The following WWC1 variants were observed in gnomAD, a reference collection of about 807,000 sequenced individuals.
WWC1 encodes the protein WW and C2 domain containing 1.
A neutral mutation model predicts 138.4 loss-of-function variants in WWC1; 55 were observed. The observed-to-expected ratio is 0.40, with a 90% CI of 0.32 to 0.50. The LOEUF (loss-of-function observed/expected upper bound fraction) is 0.50. WWC1 is among the 20% of genes least tolerant of loss of function. The pLI is 0.72. For synonymous variants in WWC1, 524 were observed against 564.9 expected (o/e 0.93, Z 1.03); for missense variants, 1,226 against 1,420.4 (o/e 0.86, Z 2.20).
At chr5:168,387,670 C>T (rs1778147254) in intron 3 of WWC1, among the ~76,000 whole-genome samples, 1 of 152,168 alleles carries the variant, frequency 6.6e-6, no homozygotes, top group African/African-American at 2.4e-5. Context: ...TCTCTAGTGC[C>T]TCTTTCTATT....
intron 2 of WWC1, among the ~76,000 whole-genome samples, chr5:168,373,169 G>A (rs1004363992): frequency 2.0e-5 from 3 of 152,190 alleles, no homozygotes; most frequent in Non-Finnish European, 2.9e-5. Flanking sequence ...ACACTGATGT[G>A]CAGGAGACCT....
intron 1 of WWC1, among the ~76,000 whole-genome samples, chr5:168,329,098 A>G (rs999951190): frequency 2.0e-5 from 3 of 152,184 alleles, no homozygotes; most frequent in Admixed American, 1.3e-4. Context: ...TCTGTAGGGT[A>G]CTTGGTTTCT....
At chr5:168,397,239 T>G (rs1031609578) in intron 3 of WWC1, among the ~76,000 whole-genome samples, 6 of 151,688 alleles carry the variant, frequency 4.0e-5, no homozygotes, top group African/African-American at 1.5e-4. Flanking sequence ...GCCTCTCAGG[T>G]TCAAGCAATT....
chr5:168,454,151 A>T, intron 18 of WWC1, 51 bp downstream of exon 18: 5 of 1,590,118 alleles, frequency 3.1e-6, no homozygotes, highest in Non-Finnish European at 2.6e-6. Flanking sequence ...GGAACCTTCA[A>T]TCCTTGTGCC....
At chr5:168,434,529 T>C (rs1029436756) in intron 15 of WWC1, among the ~76,000 whole-genome samples, 3 of 152,194 alleles carry the variant, frequency 2.0e-5, no homozygotes, top group Admixed American at 6.5e-5. Flanking sequence ...ATCTTCGTGA[T>C]GGCCCCAGGA....
intron 15 of WWC1, among the ~76,000 whole-genome samples, chr5:168,438,446 C>T (rs1018425299): frequency 2.0e-5 from 3 of 152,134 alleles, no homozygotes; most frequent in African/African-American, 7.2e-5. Context: ...GTTTGCTTCC[C>T]CTTCTGCCAT....
chr5:168,441,256 A>G (rs907822802), intron 15 of WWC1, among the ~76,000 whole-genome samples: 1 of 152,194 alleles, frequency 6.6e-6, no homozygotes, highest in Non-Finnish European at 1.5e-5. Context: ...GGTTACCAGG[A>G]GCTGTGGGGA....
chr5:168,361,998 G>A (rs967198218), intron 1 of WWC1, among the ~76,000 whole-genome samples: 8 of 152,132 alleles, frequency 5.3e-5, no homozygotes, highest in African/African-American at 9.7e-5. Context: ...CAGGAGAATC[G>A]CTTGAACCCG....
chr5:168,292,030 G>A lies in WWC1; in HGVS notation c.-123G>A, dbSNP rs1769088250. 4.6e-5 allele frequency: 57 copies of A among 1,227,376 alleles called. 1 individual carries two copies. The South Asian group carries it at 1.2e-3, about 26-fold the overall frequency. 76.0% of individuals were successfully genotyped at this position (1,227,376 alleles called of 1,614,324 possible). On this transcript the variant is annotated 5_prime_UTR_variant, in exon 1 of 23. Transcript: ENST00000265293. The surrounding 1 kb of genome is among the most constrained non-coding windows in gnomAD (Gnocchi z 4.4). ...GCCCCTACTAGGGCCCCCCATCTGC[G>A]GGCGCCACCCCCCGGATCATGGTGC...
intron 1 of WWC1, among the ~76,000 whole-genome samples, chr5:168,294,864 A>G (rs1266941918): frequency 6.6e-6 from 1 of 152,112 alleles, no homozygotes; most frequent in Non-Finnish European, 1.5e-5. Context: ...GAGCTCAGGC[A>G]ATCCGCCCAC....
chr5:168,338,572 C>T (rs916789434), intron 1 of WWC1, among the ~76,000 whole-genome samples: 3 of 151,646 alleles, frequency 2.0e-5, no homozygotes, highest in Admixed American at 6.6e-5. Context: ...CCACCACGCC[C>T]GGCTAATTTT....
At chr5:168,378,123 T>A (rs563940984) in intron 2 of WWC1, among the ~76,000 whole-genome samples, 1 of 152,336 alleles carries the variant, frequency 6.6e-6, no homozygotes, top group Non-Finnish European at 1.5e-5. Context: ...TGTCCTTTGC[T>A]GCAACATGGA....
At chr5:168,394,160 A>G (rs1019312287) in intron 3 of WWC1, among the ~76,000 whole-genome samples, 4 of 152,188 alleles carry the variant, frequency 2.6e-5, no homozygotes, top group African/African-American at 9.7e-5. Context: ...AGAGGTAAGT[A>G]AATAAGTAAT....
At chr5:168,350,695 C>T (rs534232375) in intron 1 of WWC1, among the ~76,000 whole-genome samples, 1 of 152,358 alleles carries the variant, frequency 6.6e-6, no homozygotes, top group South Asian at 2.1e-4. Flanking sequence ...TTCACTCATT[C>T]ATTCATTCAT....
rs1195930830 is a variant in WWC1 at position 168,454,057 on chromosome 5, C to G, written c.2615C>G (p.Thr872Ser). Residue 872 changes from threonine to serine, a missense_variant, in exon 18 of 23, where the codon ACC becomes AGC. Thr to Ser is a moderately conservative substitution (Grantham distance 58). Around this residue, in one of 3 missense-constraint regions of WWC1, gnomAD observed 1,016 missense variants for 1,153.9 expected, o/e 0.88. Transcript: ENST00000265293. ...EEEEGEEDVF[T>S]EKASPDMDGY... ...GAGGAGGGAGAAGAGGATGTTTTCA[C>G]CGAGAAAGCCTCACCTGATATGGAT... 6.2e-7 allele frequency: 1 copy of G among 1,612,784 alleles called. No homozygotes were observed. The highest frequency in any genetic ancestry group is 1.3e-5 in the African/African-American group (1 of 74,486).
intron 1 of WWC1, among the ~76,000 whole-genome samples, chr5:168,330,042 G>A (rs1304942269): frequency 6.6e-6 from 1 of 152,136 alleles, no homozygotes; most frequent in Non-Finnish European, 1.5e-5. Context: ...CCCGGGAGGT[G>A]GAGGCTGCAG....
intron 17 of WWC1, among the ~76,000 whole-genome samples, chr5:168,451,061 G>GCTGCGATCTCGGCTCA (rs1755765904): frequency 6.6e-6 from 1 of 151,502 alleles, no homozygotes; most frequent in Admixed American, 6.6e-5. Context: ...TGTTGCCCAG[G>GCTGCGATCTCGGCTCA]CTGCGATCTC....
chr5:168,346,285 A>C (rs1353835709), intron 1 of WWC1, among the ~76,000 whole-genome samples: 1 of 152,190 alleles, frequency 6.6e-6, no homozygotes, highest in Non-Finnish European at 1.5e-5. Context: ...ATACTTAGGA[A>C]AGCAGGGAGC....
intron 1 of WWC1, among the ~76,000 whole-genome samples, chr5:168,301,939 C>T (rs1770126847): frequency 6.6e-6 from 1 of 152,194 alleles, no homozygotes; most frequent in Non-Finnish European, 1.5e-5. Flanking sequence ...CGCAAACCAC[C>T]TTGGCAGCAC....
Sources: gnomAD v4.1 joint callset for allele counts (sites outside exome capture counted in the v4.1 genomes callset) on GRCh38, gnomAD v4.1.1 for gene constraint, gnomAD v4.1.1 regional missense constraint, Gnocchi (gnomAD v3.1) non-coding constraint, MANE v1.5 for transcripts, NCBI Gene and HGNC (gene_info 2026-07-23, HGNC 2026-07-21) for gene names.